The following GRIP1 variants were observed in gnomAD, a reference collection of about 807,000 sequenced individuals.
The protein encoded by GRIP1 is glutamate receptor-interacting protein 1.
A neutral mutation model predicts 129.9 loss-of-function variants in GRIP1; 45 were observed. The ratio of observed to expected loss-of-function variants is 0.35; its 90% CI spans 0.27 to 0.44. The LOEUF (loss-of-function observed/expected upper bound fraction) is 0.44. GRIP1 is among the 20% of genes least tolerant of loss of function. The pLI is 1.00. For synonymous variants in GRIP1, 530 were observed against 520.8 expected, an observed-to-expected ratio of 1.02 and a Z score of -0.24; for missense variants, 1,196 against 1,396.8, an observed-to-expected ratio of 0.86 and a Z score of 2.29.
intron 16 of GRIP1, among the ~76,000 whole-genome samples, chr12:66,402,575 A>G (rs771034301): frequency 1.1e-4 from 16 of 152,230 alleles, no homozygotes; most frequent in African/African-American, 1.7e-4. Context: ...AGTTCCATCA[A>G]GTATAGTTAT....
chr12:66,641,735 C>T (rs1255592361), intron 1 of GRIP1, among the ~76,000 whole-genome samples: 1 of 152,064 alleles, frequency 6.6e-6, no homozygotes, highest in African/African-American at 2.4e-5. Context: ...GGAAGGATTC[C>T]CAAGGGCATT....
chr12:66,825,228 T>C (rs751417877), intron 1 of GRIP1, among the ~76,000 whole-genome samples: 12 of 152,158 alleles, frequency 7.9e-5, no homozygotes, highest in Admixed American at 1.3e-4. Flanking sequence ...AATTTTAAAG[T>C]AGTTAGTTTA....
intron 1 of GRIP1, among the ~76,000 whole-genome samples, chr12:66,793,345 C>T (rs1406100996): frequency 2.0e-5 from 3 of 152,134 alleles, no homozygotes; most frequent in African/African-American, 7.2e-5. Flanking sequence ...GAGTCAAGGT[C>T]CCAACTCTAA....
In GRIP1 at chr12:66,509,256, T is replaced by C. The variant is rs143452324; in HGVS notation, c.724+6363A>G. On this transcript the variant is annotated intron_variant, in intron 7 of 24. Transcript: ENST00000359742. ...GGTTCATTTTAGAGAAGTGGAGCAT[T>C]AAGAGCCAATTAAATTTCTTGGTAT... 2.8e-3 allele frequency among the ~76,000 whole-genome samples: 430 copies of C among 152,268 alleles called. 1 individual carries two copies. The highest frequency in any genetic ancestry group is 9.8e-3 in the African/African-American group (409 of 41,564).
chr12:66,405,712 C>T (rs1222102185), intron 16 of GRIP1, among the ~76,000 whole-genome samples: 1 of 151,910 alleles, frequency 6.6e-6, no homozygotes, highest in African/African-American at 2.4e-5. Context: ...AGCCATCCTG[C>T]TTCTAGGAAT....
intron 1 of GRIP1, among the ~76,000 whole-genome samples, chr12:66,973,860 G>C (rs1036075083): frequency 6.6e-6 from 1 of 150,580 alleles, no homozygotes; most frequent in Non-Finnish European, 1.5e-5. Flanking sequence ...TCAGCATATT[G>C]AATATTGAAC....
chr12:66,748,178 G>A (rs935508036), intron 1 of GRIP1, among the ~76,000 whole-genome samples: 64 of 151,970 alleles, frequency 4.2e-4, no homozygotes, highest in Non-Finnish European at 2.4e-4. Context: ...CCATCATGTC[G>A]GCTAATTTCT....
At chr12:66,648,079 C>A (rs184779293) in intron 1 of GRIP1, among the ~76,000 whole-genome samples, 2 of 152,128 alleles carry the variant, frequency 1.3e-5, no homozygotes, top group East Asian at 1.9e-4. Context: ...ACTCTTCCCC[C>A]CTCCCTCCAC....
At chr12:66,355,237 C>T (rs558234067) in intron 23 of GRIP1, among the ~76,000 whole-genome samples, 41 of 152,084 alleles carry the variant, frequency 2.7e-4, no homozygotes, top group East Asian at 9.7e-4. Context: ...TGTGTGTGTG[C>T]ACACACACTG....
At chr12:66,994,393 T>C (rs1306491283) in intron 1 of GRIP1, among the ~76,000 whole-genome samples, 3 of 151,742 alleles carry the variant, frequency 2.0e-5, no homozygotes, top group Non-Finnish European at 4.4e-5. Context: ...CACATGATAA[T>C]GTCAACAGAT....
intron 14 of GRIP1, among the ~76,000 whole-genome samples, chr12:66,428,875 G>T (rs547560462): frequency 1.3e-5 from 2 of 152,270 alleles, no homozygotes; most frequent in South Asian, 2.1e-4. Context: ...ATCAGGATTC[G>T]CTGACTCGAA....
At chr12:66,369,126 T>A (rs2055323809) in intron 23 of GRIP1, among the ~76,000 whole-genome samples, 1 of 152,198 alleles carries the variant, frequency 6.6e-6, no homozygotes. Context: ...TGAAGCTTCA[T>A]GGGACATGTA....
intron 5 of GRIP1, among the ~76,000 whole-genome samples, chr12:66,527,402 C>A (rs1293332718): frequency 6.6e-6 from 1 of 152,038 alleles, no homozygotes; most frequent in Non-Finnish European, 1.5e-5. Context: ...TGGAAACCAT[C>A]ATTCTCAGCA....
intron 1 of GRIP1, among the ~76,000 whole-genome samples, chr12:66,677,464 G>A (rs1055655202): frequency 3.3e-5 from 5 of 152,106 alleles, no homozygotes; most frequent in Non-Finnish European, 7.4e-5. Flanking sequence ...ATAAGGGCCT[G>A]CCTTTAAAAG....
chr12:66,776,686 C>T (rs951613243), intron 1 of GRIP1, among the ~76,000 whole-genome samples: 8 of 152,092 alleles, frequency 5.3e-5, no homozygotes, highest in African/African-American at 1.2e-4. Flanking sequence ...AGAGGAAGAG[C>T]GGGGTAGAAT....
chr12:66,837,061 A>C (rs2039627201), intron 1 of GRIP1, among the ~76,000 whole-genome samples: 1 of 152,222 alleles, frequency 6.6e-6, no homozygotes, highest in East Asian at 1.9e-4. Context: ...TTCATTATGC[A>C]CTGAGTCATC....
chr12:66,921,634 G>T (rs1029484661), intron 1 of GRIP1, among the ~76,000 whole-genome samples: 1 of 152,158 alleles, frequency 6.6e-6, no homozygotes, highest in African/African-American at 2.4e-5. Context: ...TACACTGGGG[G>T]TAGAACATTA....
intron 2 of GRIP1, among the ~76,000 whole-genome samples, chr12:66,571,759 G>C (rs779923721): frequency 4.6e-5 from 7 of 152,144 alleles, no homozygotes; most frequent in Non-Finnish European, 1.5e-5. Context: ...GAAATTGCCT[G>C]AATTAACAGA....
intron 1 of GRIP1, among the ~76,000 whole-genome samples, chr12:67,007,403 T>A (rs180975494): frequency 6.6e-6 from 1 of 152,276 alleles, no homozygotes; most frequent in Non-Finnish European, 1.5e-5. Flanking sequence ...CCTGCCTTTC[T>A]CTTCAATACT....
Sources: gnomAD v4.1 joint callset for allele counts (sites outside exome capture counted in the v4.1 genomes callset) on GRCh38, gnomAD v4.1.1 for gene constraint, MANE v1.5 for transcripts, NCBI Gene and HGNC (gene_info 2026-07-23, HGNC 2026-07-21) for gene names.